ACAA1: variants seen among roughly 807,000 people sequenced by gnomAD.
ACAA1 encodes the protein 3-ketoacyl-CoA thiolase, peroxisomal.
ACAA1 carries 44 observed loss-of-function variants against 48.8 expected under a neutral mutation model. The observed-to-expected ratio is 0.90, with a 90% CI of 0.71 to 1.16. The LOEUF is 1.16. Among genes scored for constraint, ACAA1 ranks in the 50% most tolerant of loss-of-function variants. The probability of loss-of-function intolerance (pLI) is 0.00; values close to 1 mark genes in which losing one functional copy is unlikely to be tolerated. For synonymous variants in ACAA1, 233 were observed against 226.5 expected, an observed-to-expected ratio of 1.03 and a Z score of -0.26; for missense variants, 512 against 562.3, an observed-to-expected ratio of 0.91 and a Z score of 0.90.
In ACAA1 at chr3:38,123,233, A is replaced by G. The variant is rs903042056; in HGVS notation, c.1200-111T>C. On this transcript the variant is annotated intron_variant, in intron 11 of 11. Transcript: ENST00000333167. Reference sequence around the variant, plus strand: ...AAGTAGGATGCAAAACCATCAGACCAGATCTGTGGGCAAGCGGTACCCTGG... The same window carrying G: ...AAGTAGGATGCAAAACCATCAGACCGGATCTGTGGGCAAGCGGTACCCTGG... The G allele has an allele frequency of 6.6e-6, 7 of 1,060,882 alleles. No homozygotes were observed. In the Admixed American group the frequency reaches 1.3e-4, roughly 19 times the overall value. The allele number at this position is 1,060,882 out of a possible 1,614,324, so 65.7% of individuals were successfully genotyped here.
chr3:38,136,858 G>T lies in ACAA1; in HGVS notation c.171+7C>A. 1 of 1,523,030 alleles carries T rather than the reference G, an allele frequency of 6.6e-7. No individual in the cohort carries two copies. Among genetic ancestry groups the T allele is most frequent in the African/African-American group, 1.4e-5 (1 of 71,144 alleles). The allele number at this position is 1,523,030 out of a possible 1,614,324, so 94.3% of individuals were successfully genotyped here. ...CCACACTCGGCGCCCAGACCCTCGGGCCTCACCTTGAAGCCGCCGCGGCCC... is the reference window on the plus strand; with the variant it reads ...CCACACTCGGCGCCCAGACCCTCGGTCCTCACCTTGAAGCCGCCGCGGCCC... On this transcript the variant is annotated splice_region_variant and intron_variant, in intron 1 of 11. Transcript: ENST00000333167.
chr3:38,127,965 T>G, intron 6 of ACAA1, 99 bp from the exon 7 acceptor site: 2 of 1,193,276 alleles, frequency 1.7e-6, no homozygotes, highest in Non-Finnish European at 2.5e-6. Flanking sequence ...TTCCCAAGGC[T>G]GTAGGCAGGA....
chr3:38,125,745 T>C (rs1700666519), intron 10 of ACAA1, 35 bp from the exon 11 acceptor site: 1 of 1,613,626 alleles, frequency 6.2e-7, no homozygotes, highest in African/African-American at 1.3e-5. Context: ...ATAGCCCTCT[T>C]ACCCCTCCCC....
chr3:38,128,525 C>T (rs1700724163), intron 6 of ACAA1, among the ~76,000 whole-genome samples: 1 of 152,194 alleles, frequency 6.6e-6, no homozygotes, highest in African/African-American at 2.4e-5. Context: ...GACTCCTGGC[C>T]CAAAGACCCT....
rs1700753953 is a variant in ACAA1, at chr3:38,129,984, G to A, written c.447-596C>T. 1.3e-5 allele frequency among the ~76,000 whole-genome samples: 2 copies of A among 152,322 alleles called. No homozygotes were observed. The highest frequency in any genetic ancestry group is 2.4e-5 in the African/African-American group (1 of 41,566). On this transcript the variant is annotated intron_variant, in intron 5 of 11. Transcript: ENST00000333167. The surrounding 1 kb of genome is among the most constrained non-coding windows in gnomAD (Gnocchi z 5.3). ...AAACCCAGGAGGCGGAACTTGCAGT[G>A]AGATGAGATCGTGTCACTGCACTCC...
chr3:38,134,034 G>A (rs753520482), intron 2 of ACAA1, 25 bp from the exon 3 acceptor site: 1 of 1,607,494 alleles, frequency 6.2e-7, no homozygotes, highest in Non-Finnish European at 8.5e-7. Flanking sequence ...CTTTCATTCA[G>A]TGCCAGGCGG....
chr3:38,124,219 G>A (rs761780720), intron 11 of ACAA1: 1 of 152,192 alleles, frequency 6.6e-6, no homozygotes, highest in African/African-American at 2.4e-5. Flanking sequence ...AAAGCAAACT[G>A]TATAAATTGC....
chr3:38,136,599 G>C lies in ACAA1; in HGVS notation c.258C>G (p.Ile86Met), dbSNP rs758971878. 20 of 1,613,922 alleles carry C rather than the reference G, an allele frequency of 1.2e-5. No individual in the cohort carries two copies. The highest frequency in any genetic ancestry group is 1.6e-5 in the Non-Finnish European group (19 of 1,180,008). Residue 86 changes from isoleucine to methionine, a missense_variant, in exon 2 of 12, where the codon ATC becomes ATG. Coordinates refer to ENST00000333167, the MANE Select transcript of ACAA1 (RefSeq NM_001607.4). ...VNLRPEQLGD[I>M]CVGNVLQPGA... ...CCTGAGTGGTTCGCTCACCGACACAGATGTCCCCCAGCTGTTCCGGCCTCA... is the reference window on the plus strand; with the variant it reads ...CCTGAGTGGTTCGCTCACCGACACACATGTCCCCCAGCTGTTCCGGCCTCA...
chr3:38,123,896 G>C (rs1700607679), intron 11 of ACAA1: 1 of 150,538 alleles, frequency 6.6e-6, no homozygotes, highest in African/African-American at 2.5e-5. Context: ...AGATACTCGG[G>C]AGGCTGAGGC....
Position 38,136,586 on chromosome 3 carries a change from G to T in ACAA1, c.265+6C>A. 1 of 1,613,802 alleles carries T rather than the reference G, an allele frequency of 6.2e-7. No homozygotes were observed. The highest frequency in any genetic ancestry group is 8.5e-7 in the Non-Finnish European group (1 of 1,179,930). On this transcript the variant is annotated splice_donor_region_variant and intron_variant, in intron 2 of 11. Transcript: ENST00000333167. ...GCCCAGCGCAGGGCCTGAGTGGTTC[G>T]CTCACCGACACAGATGTCCCCCAGC...
At position 38,129,307 on chromosome 3, in the gene ACAA1, A is replaced by G. The variant is rs1700739996; in HGVS notation, c.528T>C (p.Asp176=). 1.5e-5 allele frequency: 24 copies of G among 1,614,042 alleles called. No homozygotes were observed. Among genetic ancestry groups the G allele is most frequent in the Non-Finnish European group, 1.8e-5 (21 of 1,179,948 alleles). ...GCACTCACCCCATAGGAATCAGGCA[A>G]TCTCTGGCCTTCTCCTTCTCCATCA... ...SRLMEKEKAR[D]CLIPMGITSE... Residue 176 remains aspartate (D), a synonymous_variant, in exon 6 of 12, where the codon GAT becomes GAC. Coordinates refer to ENST00000333167, the MANE Select transcript of ACAA1 (RefSeq NM_001607.4). This position sits in a 1 kb window ranked among gnomAD's most constrained non-coding sequence, Gnocchi z 5.3.
intron 5 of ACAA1, 103 bp downstream of exon 5, chr3:38,131,493 G>A (rs896603448): frequency 7.9e-7 from 1 of 1,266,746 alleles, no homozygotes; most frequent in African/African-American, 1.5e-5. Flanking sequence ...CTGCCTAAAG[G>A]GGATGGGGGG....
intron 2 of ACAA1, chr3:38,134,686 G>A: frequency 3.2e-6 from 1 of 313,270 alleles, no homozygotes; most frequent in Non-Finnish European, 6.4e-6. Flanking sequence ...GATGTGCCTT[G>A]TCAACATATG....
In ACAA1 at chr3:38,129,278, G is replaced by A; in HGVS notation, c.545+12C>T. 1.2e-6 allele frequency: 2 copies of A among 1,610,362 alleles called. No homozygotes were observed. Among genetic ancestry groups the A allele is most frequent in the Non-Finnish European group, 1.7e-6 (2 of 1,176,718 alleles). On this transcript the variant is annotated intron_variant, in intron 6 of 11. Coordinates refer to ENST00000333167, the MANE Select transcript of ACAA1 (RefSeq NM_001607.4). This position sits in a 1 kb window ranked among gnomAD's most constrained non-coding sequence, Gnocchi z 5.3. ...AGAGGGCACAAGCACACAGAGCTAT[G>A]GGAGCACTCACCCCATAGGAATCAG...
At position 38,122,950 on chromosome 3, in the gene ACAA1, G is replaced by A; in HGVS notation, c.*97C>T. The A allele has an allele frequency of 7.9e-7, 1 of 1,260,794 alleles. No individual in the cohort carries two copies. The highest frequency in any genetic ancestry group is 1.2e-5 in the South Asian group (1 of 82,026). 78.1% of individuals were successfully genotyped at this position (1,260,794 alleles called of 1,614,324 possible). A position where few individuals can be genotyped will look rare whatever the true frequency, so the allele number is the denominator to read the frequency against. On this transcript the variant is annotated 3_prime_UTR_variant, in exon 12 of 12. Coordinates refer to ENST00000333167, the MANE Select transcript of ACAA1 (RefSeq NM_001607.4). ...TCTGTCCACTGCCACCACCACCAGT[G>A]CTGAGTTTTCCCATGTGGTTTTGCT...
Position 38,129,015 on chromosome 3 carries a change from T to C in ACAA1, c.545+275A>G, listed in dbSNP as rs1700735019. 6.6e-6 allele frequency among the ~76,000 whole-genome samples: 1 copy of C among 152,224 alleles called. No homozygotes were observed. Among genetic ancestry groups the C allele is most frequent in the Admixed American group, 6.5e-5 (1 of 15,284 alleles). The stretch of plus-strand genomic sequence containing the variant: ...GGCCCCCAAGGCTTTGGAGTGGAGC[T>C]ACCATTGTCCTTCCTATGACTGAGC... On this transcript the variant is annotated intron_variant, in intron 6 of 11. Coordinates refer to ENST00000333167, the MANE Select transcript of ACAA1 (RefSeq NM_001607.4). This position sits in a 1 kb window ranked among gnomAD's most constrained non-coding sequence, Gnocchi z 5.3.
At chr3:38,136,182 G>C (rs920048432) in intron 2 of ACAA1, among the ~76,000 whole-genome samples, 6 of 152,336 alleles carry the variant, frequency 3.9e-5, no homozygotes, top group Admixed American at 1.3e-4. Context: ...CAGATTAACA[G>C]CATCTCAAGG....
intron 2 of ACAA1, 91 bp from the exon 3 acceptor site, chr3:38,134,100 T>C: frequency 7.6e-7 from 1 of 1,317,222 alleles, no homozygotes; most frequent in Non-Finnish European, 1.1e-6. Context: ...GCATTCCAGA[T>C]CTTTCTTCGG....
rs915694656 is a variant in ACAA1 at position 38,136,853 on chromosome 3, C to G, written c.171+12G>C. ...TCTTCCCACACTCGGCGCCCAGACC[C>G]TCGGGCCTCACCTTGAAGCCGCCGC... On this transcript the variant is annotated intron_variant, in intron 1 of 11. Coordinates refer to ENST00000333167, the MANE Select transcript of ACAA1 (RefSeq NM_001607.4). 1 of 1,521,536 alleles carries G rather than the reference C, an allele frequency of 6.6e-7. No homozygotes were observed. The highest frequency in any genetic ancestry group is 2.1e-5 in the Admixed American group (1 of 48,072). 94.3% of individuals were successfully genotyped at this position (1,521,536 alleles called of 1,614,324 possible).
Sources: gnomAD v4.1 joint callset for allele counts (sites outside exome capture counted in the v4.1 genomes callset) on GRCh38, gnomAD v4.1.1 for gene constraint, Gnocchi (gnomAD v3.1) non-coding constraint, MANE v1.5 for transcripts, NCBI Gene and HGNC (gene_info 2026-07-23, HGNC 2026-07-21) for gene names.